Variants in AUTS2 observed in about 807,000 individuals in gnomAD.
AUTS2 encodes autism susceptibility gene 2 protein.
Under a neutral mutation model 112.4 loss-of-function variants are expected in AUTS2, and 17 were observed. The ratio of observed to expected loss-of-function variants is 0.15; its 90% CI spans 0.10 to 0.23. AUTS2 has a LOEUF of 0.23. Among genes scored for constraint, AUTS2 ranks in the 10% least tolerant of loss-of-function variants. The pLI, the probability that AUTS2 is intolerant of heterozygous loss-of-function variation, is 1.00. For synonymous variants in AUTS2, 751 were observed against 702.7 expected (o/e 1.07, Z -1.09); for missense variants, 1,510 against 1,701.6 (o/e 0.89, Z 1.98).
chr7:70,527,761 A>T (rs1327202853), intron 5 of AUTS2, among the ~76,000 whole-genome samples: 1 of 151,882 alleles, frequency 6.6e-6, no homozygotes, highest in Admixed American at 6.6e-5. Flanking sequence ...ACTGGGGGGG[A>T]AGTGTCAGTA....
rs1239372428 is a variant in AUTS2 at position 69,952,447 on chromosome 7, C to T, written c.522+52949C>T. ...TTAATTCTTAAGTAGTAAGCTTTTT[C>T]GTTTACCTCTACTATTTATAAGCTA... On this transcript the variant is annotated intron_variant, in intron 2 of 18. Transcript: ENST00000342771. 2.6e-5 allele frequency among the ~76,000 whole-genome samples: 4 copies of T among 152,236 alleles called. No individual in the cohort carries two copies. The East Asian group carries it at 5.8e-4, about 22-fold the overall frequency.
At position 70,546,645 on chromosome 7, in the gene AUTS2, G is replaced by A. The variant is rs182120871; in HGVS notation, c.690+110864G>A. Among the ~76,000 whole-genome samples the A allele has an allele frequency of 6.4e-3, 975 of 151,922 alleles. 10 individuals are homozygous for A. Among genetic ancestry groups the A allele is most frequent in the African/African-American group, 0.023 (939 of 41,434 alleles). ...TACAAAAAAATTAGCCGGGCATGGT[G>A]GCGGGCACCTGTAGTCCCAGCTGCT... On this transcript the variant is annotated intron_variant, in intron 5 of 18. Coordinates refer to ENST00000342771, the MANE Select transcript of AUTS2 (RefSeq NM_015570.4).
intron 4 of AUTS2, among the ~76,000 whole-genome samples, chr7:70,369,544 A>G (rs1443547917): frequency 6.6e-6 from 1 of 152,156 alleles, no homozygotes; most frequent in African/African-American, 2.4e-5. Flanking sequence ...TCAAGGGCCA[A>G]TGGTGGGAGT....
At chr7:70,141,220 C>G (rs763532487) in intron 4 of AUTS2, among the ~76,000 whole-genome samples, 1 of 152,026 alleles carries the variant, frequency 6.6e-6, no homozygotes, top group African/African-American at 2.4e-5. Context: ...TGGAGAAAGA[C>G]GGGACTTAGA....
chr7:70,699,168 C>A (rs1234132453), intron 6 of AUTS2: 1 of 152,038 alleles, frequency 6.6e-6, no homozygotes, highest in Admixed American at 6.6e-5. Flanking sequence ...TATAGCAGTA[C>A]ATTAAGGGAA....
At chr7:69,914,477 C>T (rs563545109) in intron 2 of AUTS2, among the ~76,000 whole-genome samples, 1 of 151,750 alleles carries the variant, frequency 6.6e-6, no homozygotes, top group Admixed American at 6.6e-5. Flanking sequence ...CTGATGAGCG[C>T]ATGCTGCACA....
At chr7:70,297,492 G>A (rs1291638357) in intron 4 of AUTS2, among the ~76,000 whole-genome samples, 1 of 149,998 alleles carries the variant, frequency 6.7e-6, no homozygotes, top group African/African-American at 2.5e-5. Flanking sequence ...GTGCAGTGAC[G>A]CATCTCGGCC....
chr7:69,937,914 AGAGGCAG>A (rs1796477525), intron 2 of AUTS2, among the ~76,000 whole-genome samples: 1 of 152,146 alleles, frequency 6.6e-6, no homozygotes, highest in African/African-American at 2.4e-5. Context: ...TGTGGCAAGG[AGAGGCAG>A]AGTGCACTAG....
At chr7:69,713,697 G>A (rs1469489488) in intron 1 of AUTS2, among the ~76,000 whole-genome samples, 7 of 152,036 alleles carry the variant, frequency 4.6e-5, no homozygotes, top group Admixed American at 3.9e-4. Context: ...CTGACCTCAG[G>A]TGATCCACAT....
intron 4 of AUTS2, among the ~76,000 whole-genome samples, chr7:70,431,693 GTA>G (rs1562953629): frequency 6.6e-6 from 1 of 152,200 alleles, no homozygotes; most frequent in Non-Finnish European, 1.5e-5. Flanking sequence ...CCGTAAATTT[GTA>G]TTTTCAAAAG....
At chr7:70,099,902 ATATC>A (rs1357090493) in intron 2 of AUTS2, among the ~76,000 whole-genome samples, 5 of 152,318 alleles carry the variant, frequency 3.3e-5, no homozygotes, top group Non-Finnish European at 4.4e-5. Context: ...TTTTACATAT[ATATC>A]CATACCTCTG....
At chr7:70,669,445 GCT>G (rs946017668) in intron 5 of AUTS2, among the ~76,000 whole-genome samples, 2 of 152,248 alleles carry the variant, frequency 1.3e-5, no homozygotes, top group African/African-American at 4.8e-5. Flanking sequence ...AAGTGCCTGT[GCT>G]CTGTGTTGAC....
intron 5 of AUTS2, among the ~76,000 whole-genome samples, chr7:70,566,898 G>A (rs1801731937): frequency 6.6e-6 from 1 of 152,222 alleles, no homozygotes; most frequent in Admixed American, 6.5e-5. Flanking sequence ...AATAAAGAGT[G>A]TTGGTCAGCT....
intron 4 of AUTS2, among the ~76,000 whole-genome samples, chr7:70,343,778 C>T (rs372429893): frequency 5.7e-4 from 87 of 152,120 alleles, no homozygotes; most frequent in South Asian, 1.2e-3. Context: ...TCTTGAATGT[C>T]TTTGAAGAAA....
chr7:69,810,210 C>T (rs990792383), intron 1 of AUTS2, among the ~76,000 whole-genome samples: 3 of 152,152 alleles, frequency 2.0e-5, no homozygotes, highest in Non-Finnish European at 4.4e-5. Context: ...AGAGTGCCGG[C>T]GTCAGAGCTC....
chr7:69,729,643 G>A (rs1321133763), intron 1 of AUTS2, among the ~76,000 whole-genome samples: 2 of 152,020 alleles, frequency 1.3e-5, no homozygotes, highest in Non-Finnish European at 2.9e-5. Flanking sequence ...ATTTTGTGCT[G>A]TTAAACCTCA....
intron 4 of AUTS2, among the ~76,000 whole-genome samples, chr7:70,394,858 G>A (rs372631332): frequency 6.6e-6 from 1 of 151,836 alleles, no homozygotes. Flanking sequence ...TGAGAGGATC[G>A]CCTGCAGCCA....
intron 2 of AUTS2, among the ~76,000 whole-genome samples, chr7:70,078,456 A>C (rs1437100800): frequency 2.0e-5 from 3 of 152,310 alleles, no homozygotes; most frequent in Middle Eastern, 3.4e-3. Flanking sequence ...TGGGTGACTG[A>C]AACCACAGAT....
chr7:70,731,420 CTTTTTTTT>C (rs56244002), intron 6 of AUTS2, among the ~76,000 whole-genome samples: 5 of 69,478 alleles, frequency 7.2e-5, no homozygotes, highest in Non-Finnish European at 1.3e-4. Flanking sequence ...TTACCCAGAT[CTTTTTTTT>C]TTTTTTTTTT....
Sources: gnomAD v4.1 joint callset for allele counts (sites outside exome capture counted in the v4.1 genomes callset) on GRCh38, gnomAD v4.1.1 for gene constraint, MANE v1.5 for transcripts, NCBI Gene and HGNC (gene_info 2026-07-23, HGNC 2026-07-21) for gene names.